The following RGPD2 variants were observed in gnomAD, a reference collection of about 807,000 sequenced individuals.
RGPD2 encodes the protein RANBP2 like and GRIP domain containing 2.
RGPD2 carries 2 observed loss-of-function variants against 36.0 expected under a neutral mutation model. The ratio of observed to expected loss-of-function variants is 0.06; its 90% confidence interval spans 0.02 to 0.17. The LOEUF (loss-of-function observed/expected upper bound fraction) is 0.17. RGPD2 is among the 10% of genes least tolerant of loss of function. The pLI is 1.00. For synonymous variants in RGPD2, 19 were observed against 163.8 expected, an observed-to-expected ratio of 0.12 and a Z score of 6.75; for missense variants, 40 against 464.3, an observed-to-expected ratio of 0.09 and a Z score of 8.40.
the RGPD2 span, among the ~76,000 whole-genome samples, chr2:87,945,848 A>T: frequency 6.7e-6 from 1 of 148,816 alleles, no homozygotes; most frequent in Non-Finnish European, 1.5e-5. Flanking sequence ...GGCCTCAAGA[A>T]ATCCTCCTGC....
At chr2:87,769,126 C>G (rs1421310447) in intron 22 of RGPD2, among the ~76,000 whole-genome samples, 9 of 96,514 alleles carry the variant, frequency 9.3e-5, no homozygotes. Flanking sequence ...CACCACCACG[C>G]CCAGCTAATT....
chr2:87,818,020 TAAAAAAA>T (rs1175812254), intron 2 of RGPD2, among the ~76,000 whole-genome samples: 7 of 65,334 alleles, frequency 1.1e-4, no homozygotes, highest in Non-Finnish European at 1.5e-4. Context: ...AGATACTGAC[TAAAAAAA>T]AAAAAAAAAA....
the RGPD2 span, among the ~76,000 whole-genome samples, chr2:87,987,972 C>G: frequency 6.8e-6 from 1 of 147,436 alleles, no homozygotes; most frequent in African/African-American, 2.5e-5. Flanking sequence ...AGGTACCTGG[C>G]CTTGTGATTA....
chr2:87,869,880 A>G, the RGPD2 span, among the ~76,000 whole-genome samples: 15,562 of 111,070 alleles, frequency 0.14, no homozygotes, highest in East Asian at 0.32. Context: ...CGTCTTCTAA[A>G]AACTTTCACT....
the RGPD2 span, among the ~76,000 whole-genome samples, chr2:87,852,450 C>A: frequency 6.6e-6 from 1 of 151,890 alleles, no homozygotes; most frequent in Non-Finnish European, 1.5e-5. Flanking sequence ...ACAGCATTCT[C>A]ATTAGAAAGC....
At chr2:87,930,359 A>G in the RGPD2 span, among the ~76,000 whole-genome samples, 1 of 151,098 alleles carries the variant, frequency 6.6e-6, no homozygotes, top group Non-Finnish European at 1.5e-5. Flanking sequence ...TGTTCATGTG[A>G]TGAATCACAT....
the RGPD2 span, chr2:87,972,856 C>T: frequency 6.2e-7 from 1 of 1,611,104 alleles, no homozygotes; most frequent in East Asian, 2.2e-5. Context: ...CTGTCCTCAT[C>T]CTCTTTAGCT....
At chr2:87,987,961 T>C in the RGPD2 span, among the ~76,000 whole-genome samples, 1 of 146,734 alleles carries the variant, frequency 6.8e-6, no homozygotes, top group African/African-American at 2.5e-5. Context: ...ATCATACTTC[T>C]AGGTACCTGG....
At chr2:87,940,589 A>G in the RGPD2 span, among the ~76,000 whole-genome samples, 1 of 140,656 alleles carries the variant, frequency 7.1e-6, no homozygotes, top group African/African-American at 2.5e-5. Flanking sequence ...GGATAAAATT[A>G]TACAAACAAG....
chr2:87,864,667 T>A, the RGPD2 span, among the ~76,000 whole-genome samples: 1 of 152,298 alleles, frequency 6.6e-6, no homozygotes, highest in Non-Finnish European at 1.5e-5. Flanking sequence ...AGATCGATCT[T>A]CTCTTGCCCC....
chr2:87,888,246 T>C, the RGPD2 span, among the ~76,000 whole-genome samples: 16 of 151,924 alleles, frequency 1.1e-4, no homozygotes, highest in Admixed American at 9.9e-4. Context: ...TCAACATACA[T>C]AGGTAAGGCT....
the RGPD2 span, among the ~76,000 whole-genome samples, chr2:87,878,401 T>G: frequency 6.7e-6 from 1 of 150,340 alleles, no homozygotes; most frequent in African/African-American, 2.5e-5. Flanking sequence ...CCTCTCTAAA[T>G]AGACTATTGT....
chr2:87,979,851 A>G, the RGPD2 span, among the ~76,000 whole-genome samples: 379 of 146,992 alleles, frequency 2.6e-3, 1 homozygote, highest in African/African-American at 8.5e-3. Context: ...ACTCCAGCCT[A>G]GGCGATAAGG....
the RGPD2 span, among the ~76,000 whole-genome samples, chr2:87,881,796 G>C: frequency 6.6e-6 from 1 of 152,114 alleles, no homozygotes; most frequent in East Asian, 1.9e-4. Context: ...GTGTTAAGCT[G>C]TTCTTGTATT....
At chr2:87,832,394 G>A in the RGPD2 span, among the ~76,000 whole-genome samples, 17 of 151,962 alleles carry the variant, frequency 1.1e-4, no homozygotes, top group Non-Finnish European at 2.1e-4. Flanking sequence ...GTTTAAAAAG[G>A]ACAAATATTA....
chr2:87,882,236 C>T, the RGPD2 span, among the ~76,000 whole-genome samples: 1 of 150,144 alleles, frequency 6.7e-6, no homozygotes, highest in African/African-American at 2.5e-5. Context: ...TATTTTAAAT[C>T]TTATCTTTAA....
At position 87,798,800 on chromosome 2, in the gene RGPD2, G is replaced by A. The variant is rs1444640605; in HGVS notation, c.1064-626C>T. Among the ~76,000 whole-genome samples, 6 of 114,104 alleles carry A rather than the reference G, an allele frequency of 5.3e-5. No homozygotes were observed. The South Asian group carries it at 9.8e-4, about 19-fold the overall frequency. 74.9% of individuals were successfully genotyped at this position (114,104 alleles called of 152,430 possible). A position where few individuals can be genotyped will look rare whatever the true frequency, so the allele number is the denominator to read the frequency against. On this transcript the variant is annotated intron_variant, in intron 8 of 22. Coordinates refer to ENST00000398146, the MANE Select transcript of RGPD2 (RefSeq NM_001078170.3). ...GGAGAATGGCGTGAACCCGGGAGGCGGAGCTTGCAGTGAGCCGAGATCACG... is the reference window on the plus strand; with the variant it reads ...GGAGAATGGCGTGAACCCGGGAGGCAGAGCTTGCAGTGAGCCGAGATCACG...
the RGPD2 span, among the ~76,000 whole-genome samples, chr2:87,855,066 A>G: frequency 6.6e-6 from 1 of 152,138 alleles, no homozygotes; most frequent in Non-Finnish European, 1.5e-5. Flanking sequence ...CTCTCTTAGC[A>G]AATTTCAAGT....
chr2:87,840,692 G>T, the RGPD2 span, among the ~76,000 whole-genome samples: 4 of 148,890 alleles, frequency 2.7e-5, no homozygotes, highest in Non-Finnish European at 6.0e-5. Flanking sequence ...AAGAGCATGA[G>T]GTAGTTTTAT....
Sources: allele counts gnomAD v4.1 joint callset (sites outside exome capture counted in the v4.1 genomes callset), GRCh38; gene constraint gnomAD v4.1.1; transcripts MANE v1.5; gene names NCBI Gene and HGNC (gene_info 2026-07-23, HGNC 2026-07-21).